Variants in ROR1 observed in about 807,000 individuals in gnomAD.
ROR1 encodes inactive tyrosine-protein kinase transmembrane receptor ROR1.
A neutral mutation model predicts 78.8 loss-of-function variants in ROR1; 19 were observed. The ratio of observed to expected loss-of-function variants is 0.24; its 90% CI spans 0.17 to 0.35. ROR1 has a LOEUF of 0.35. Ranked by LOEUF, ROR1 falls within the 10% of genes least tolerant of loss-of-function variation. The pLI is 1.00. For synonymous variants in ROR1, 386 were observed against 433.6 expected, an observed-to-expected ratio of 0.89 and a Z score of 1.36; for missense variants, 917 against 1,177.8, an observed-to-expected ratio of 0.78 and a Z score of 3.24.
chr1:64,121,261 C>CGTTCCAT (rs1557662337), intron 4 of ROR1, among the ~76,000 whole-genome samples: 4 of 139,380 alleles, frequency 2.9e-5, no homozygotes. Flanking sequence ...TTCCTTCCAT[C>CGTTCCAT]CTCCTGTTTC....
chr1:64,141,200 A>C (rs1354496538), intron 6 of ROR1, among the ~76,000 whole-genome samples: 1 of 152,224 alleles, frequency 6.6e-6, no homozygotes, highest in Non-Finnish European at 1.5e-5. Context: ...GTATCAGTAC[A>C]TTCTCACATT....
chr1:64,014,820 G>T (rs992647731), intron 2 of ROR1, among the ~76,000 whole-genome samples: 1 of 129,804 alleles, frequency 7.7e-6, no homozygotes, highest in Non-Finnish European at 1.6e-5. Context: ...TCTTTACCAG[G>T]TTGGAGCTTT....
chr1:64,108,130 C>T (rs894316912), intron 4 of ROR1, among the ~76,000 whole-genome samples: 23 of 150,112 alleles, frequency 1.5e-4, no homozygotes, highest in Admixed American at 8.0e-4. Flanking sequence ...GGCATGGTGG[C>T]TCATGCCTGT....
chr1:63,956,505 G>A (rs1359837627), intron 1 of ROR1, among the ~76,000 whole-genome samples: 1 of 152,138 alleles, frequency 6.6e-6, no homozygotes, highest in Non-Finnish European at 1.5e-5. Context: ...CACATTGTAA[G>A]CATTTAAGAA....
chr1:63,843,212 G>C lies in ROR1; in HGVS notation c.91+68704G>C, dbSNP rs993366565. On this transcript the variant is annotated intron_variant, in intron 1 of 8. Coordinates refer to ENST00000371079, the MANE Select transcript of ROR1 (RefSeq NM_005012.4). ...CGGCTCACAAAGGCTTGTCCTCTAG[G>C]GAGATGACCGCACTGCCCCCCAGCT... The C allele has an allele frequency of 8.1e-6, 12 of 1,478,906 alleles. No individual in the cohort carries two copies. In the Admixed American group the frequency reaches 1.4e-4, roughly 17 times the overall value. The allele number at this position is 1,478,906 out of a possible 1,614,324, so 91.6% of individuals were successfully genotyped here. A position where few individuals can be genotyped will look rare whatever the true frequency, so the allele number is the denominator to read the frequency against.
intron 7 of ROR1, 82 bp downstream of exon 7, chr1:64,142,732 T>C: frequency 1.3e-6 from 2 of 1,563,884 alleles, no homozygotes; most frequent in Non-Finnish European, 1.7e-6. Context: ...GAGAATCCTA[T>C]AAGGGGGGCA....
intron 1 of ROR1, among the ~76,000 whole-genome samples, chr1:63,879,958 G>A (rs1045597367): frequency 2.0e-5 from 3 of 152,106 alleles, no homozygotes; most frequent in African/African-American, 7.2e-5. Context: ...AGGGAGTGAG[G>A]ATCTTTCCTT....
intron 8 of ROR1, among the ~76,000 whole-genome samples, chr1:64,169,071 C>T (rs1299977265): frequency 2.6e-5 from 4 of 152,186 alleles, no homozygotes; most frequent in African/African-American, 9.7e-5. Flanking sequence ...CTGGTCAGTA[C>T]TTGAGATTCA....
chr1:63,803,635 C>T (rs1356858199), intron 1 of ROR1, among the ~76,000 whole-genome samples: 7 of 152,192 alleles, frequency 4.6e-5, no homozygotes, highest in Admixed American at 2.0e-4. Flanking sequence ...TGAGCCACCG[C>T]GCCCGGCCCA....
intron 4 of ROR1, 63 bp from the exon 5 acceptor site, chr1:64,137,306 G>C: frequency 2.5e-6 from 4 of 1,591,902 alleles, no homozygotes; most frequent in Non-Finnish European, 3.4e-6. Context: ...CGCGCAGTCA[G>C]AGCTTGCTGT....
chr1:63,869,982 A>C (rs1645241498), intron 1 of ROR1, among the ~76,000 whole-genome samples: 1 of 152,246 alleles, frequency 6.6e-6, no homozygotes, highest in Non-Finnish European at 1.5e-5. Context: ...CACTCTGTAC[A>C]TAATATGCTT....
At chr1:63,930,542 CAT>C (rs1215935335) in intron 1 of ROR1, among the ~76,000 whole-genome samples, 3 of 152,190 alleles carry the variant, frequency 2.0e-5, no homozygotes, top group African/African-American at 7.2e-5. Flanking sequence ...CTTCCAGCTG[CAT>C]CAGGTGGTAG....
intron 4 of ROR1, among the ~76,000 whole-genome samples, chr1:64,080,179 C>G (rs1647089087): frequency 6.6e-6 from 1 of 152,130 alleles, no homozygotes; most frequent in South Asian, 2.1e-4. Context: ...TTTTTGGAAC[C>G]TATGAGACTA....
At chr1:63,885,443 C>G (rs1434682003) in intron 1 of ROR1, among the ~76,000 whole-genome samples, 2 of 151,984 alleles carry the variant, frequency 1.3e-5, no homozygotes, top group Admixed American at 6.6e-5. Context: ...GTTGAACAAA[C>G]AGGGGGATAT....
At chr1:63,875,354 G>T (rs1178502138) in intron 1 of ROR1, among the ~76,000 whole-genome samples, 1 of 152,132 alleles carries the variant, frequency 6.6e-6, no homozygotes, top group Non-Finnish European at 1.5e-5. Flanking sequence ...TTTCAGCAAG[G>T]CTTTAGAATT....
intron 1 of ROR1, among the ~76,000 whole-genome samples, chr1:63,974,352 AAAAT>A (rs1646140990): frequency 6.6e-6 from 1 of 152,232 alleles, no homozygotes; most frequent in Non-Finnish European, 1.5e-5. Flanking sequence ...TATGAGAAAA[AAAAT>A]AAAAGAACAC....
intron 1 of ROR1, among the ~76,000 whole-genome samples, chr1:63,924,747 C>T (rs1341843846): frequency 2.0e-5 from 3 of 151,968 alleles, no homozygotes; most frequent in Non-Finnish European, 4.4e-5. Context: ...AAGTATTTAA[C>T]AAGAGAGCAG....
At position 64,118,632 on chromosome 1, in the gene ROR1, CAAAAAAA is replaced by C. The variant is rs3084938; in HGVS notation, c.483-18714_483-18708del. Among the ~76,000 whole-genome samples the C allele has an allele frequency of 2.3e-4, 15 of 65,850 alleles. No homozygotes were observed. In the East Asian group the frequency reaches 0.023, roughly 99 times the overall value. The allele number at this position is 65,850 out of a possible 152,430, so 43.2% of individuals were successfully genotyped here. On this transcript the variant is annotated intron_variant, in intron 4 of 8. Transcript: ENST00000371079. ...TGAGCTACAGAGCGAGACTCCATCT[CAAAAAAA>C]AAAAAAAAAAAAAAAAAAAAAAGAA...
chr1:63,838,726 G>A (rs1036149942), intron 1 of ROR1, among the ~76,000 whole-genome samples: 1 of 152,118 alleles, frequency 6.6e-6, no homozygotes, highest in Non-Finnish European at 1.5e-5. Flanking sequence ...AAAGCCTACA[G>A]TAGTGTATAG....
Sources: gnomAD v4.1 joint callset for allele counts (sites outside exome capture counted in the v4.1 genomes callset) on GRCh38, gnomAD v4.1.1 for gene constraint, MANE v1.5 for transcripts, NCBI Gene and HGNC (gene_info 2026-07-23, HGNC 2026-07-21) for gene names.